The following CNTN4 variants were observed in gnomAD, a reference collection of about 807,000 sequenced individuals.
CNTN4 encodes contactin 4.
In CNTN4, 77 loss-of-function variants were observed where a neutral mutation model predicts 122.5. The ratio of observed to expected loss-of-function variants is 0.63; its 90% CI spans 0.52 to 0.76. The LOEUF (loss-of-function observed/expected upper bound fraction) is 0.76. CNTN4 is among the 30% of genes least tolerant of loss of function. The probability of loss-of-function intolerance (pLI) is 0.00; values close to 1 mark genes in which losing one functional copy is unlikely to be tolerated. For missense variants in CNTN4, 1,256 were observed against 1,259.1 expected, an observed-to-expected ratio of 1.00 and a Z score of 0.04; for synonymous variants, 512 against 447.0, an observed-to-expected ratio of 1.15 and a Z score of -1.83.
At chr3:2,410,394 TC>T (rs1438805505) in intron 3 of CNTN4, among the ~76,000 whole-genome samples, 1 of 152,142 alleles carries the variant, frequency 6.6e-6, no homozygotes, top group Non-Finnish European at 1.5e-5. Flanking sequence ...TCTCTTGAAA[TC>T]AATAATAAAG....
chr3:2,966,086 T>C (rs1692279648), intron 13 of CNTN4, among the ~76,000 whole-genome samples: 1 of 152,054 alleles, frequency 6.6e-6, no homozygotes, highest in South Asian at 2.1e-4. Flanking sequence ...GACACTACCA[T>C]AGGTAGTGAG....
intron 4 of CNTN4, among the ~76,000 whole-genome samples, chr3:2,685,074 A>G (rs1307597798): frequency 6.6e-6 from 1 of 152,182 alleles, no homozygotes; most frequent in East Asian, 1.9e-4. Context: ...ATGTGTATAC[A>G]TATACATTAA....
chr3:2,833,326 A>G (rs1213390897), intron 7 of CNTN4, among the ~76,000 whole-genome samples: 1 of 152,266 alleles, frequency 6.6e-6, no homozygotes, highest in East Asian at 1.9e-4. Context: ...TAAACATTGT[A>G]GCAAATTGAA....
intron 3 of CNTN4, among the ~76,000 whole-genome samples, chr3:2,489,655 C>A (rs1478609105): frequency 1.3e-5 from 2 of 152,198 alleles, no homozygotes; most frequent in African/African-American, 4.8e-5. Context: ...ATACCAGTAT[C>A]TGTCACTCAT....
intron 4 of CNTN4, among the ~76,000 whole-genome samples, chr3:2,687,877 C>G (rs2085518391): frequency 6.6e-6 from 1 of 152,022 alleles, no homozygotes; most frequent in South Asian, 2.1e-4. Context: ...TCAAAGAGGC[C>G]AGGGCAGTGA....
chr3:2,464,812 T>G (rs1341017978), intron 3 of CNTN4, among the ~76,000 whole-genome samples: 2 of 152,206 alleles, frequency 1.3e-5, no homozygotes, highest in African/African-American at 4.8e-5. Context: ...AGGCCAGGAC[T>G]GAGGTTATTT....
chr3:2,951,377 G>A lies in CNTN4; in HGVS notation c.1358+25598G>A, dbSNP rs112798080. Among the ~76,000 whole-genome samples, 378 of 152,242 alleles carry A rather than the reference G, an allele frequency of 2.5e-3. 3 individuals are homozygous for A. Among genetic ancestry groups the A allele is most frequent in the African/African-American group, 8.7e-3 (362 of 41,534 alleles). On this transcript the variant is annotated intron_variant, in intron 13 of 24. Transcript: ENST00000418658. The stretch of plus-strand genomic sequence containing the variant: ...ATGCACAGTTCACAATAGGGTTCAG[G>A]TCCTGTCCTGTGAGAATCTAATGCT...
chr3:2,819,700 C>G, intron 7 of CNTN4, 119 bp downstream of exon 7: 1 of 827,202 alleles, frequency 1.2e-6, no homozygotes, highest in Non-Finnish European at 2.0e-6. Context: ...CCCAAAGCCC[C>G]TCCATGTGGA....
intron 2 of CNTN4, among the ~76,000 whole-genome samples, chr3:2,241,555 T>C (rs902596834): frequency 2.0e-5 from 3 of 152,224 alleles, no homozygotes; most frequent in Non-Finnish European, 4.4e-5. Context: ...ATGTTTAGCT[T>C]AATGTCTGCA....
At chr3:2,668,044 C>G (rs2084275717) in intron 4 of CNTN4, among the ~76,000 whole-genome samples, 1 of 152,050 alleles carries the variant, frequency 6.6e-6, no homozygotes, top group Non-Finnish European at 1.5e-5. Context: ...CAGCTTTGTT[C>G]TTTTGACTCA....
chr3:2,372,142 C>A (rs1467040467), intron 3 of CNTN4, among the ~76,000 whole-genome samples: 2 of 152,156 alleles, frequency 1.3e-5, no homozygotes, highest in East Asian at 3.8e-4. Context: ...TCAAAATAAT[C>A]TTTTGTTACA....
At chr3:2,592,613 C>A (rs1388964610) in intron 4 of CNTN4, among the ~76,000 whole-genome samples, 1 of 152,168 alleles carries the variant, frequency 6.6e-6, no homozygotes, top group Non-Finnish European at 1.5e-5. Context: ...CTGCCAACAT[C>A]CATGTAAGAC....
chr3:2,933,703 C>T (rs1453494046), intron 13 of CNTN4, among the ~76,000 whole-genome samples: 1 of 152,154 alleles, frequency 6.6e-6, no homozygotes, highest in Non-Finnish European at 1.5e-5. Context: ...ATGTTTTATT[C>T]CGTTCTTTAA....
rs1215454614 is a variant in CNTN4 at position 2,855,001 on chromosome 3, T to A, written c.455-11751T>A. Among the ~76,000 whole-genome samples the A allele has an allele frequency of 3.9e-5, 6 of 152,356 alleles. No individual in the cohort carries two copies. The East Asian group carries it at 1.2e-3, about 29-fold the overall frequency. On this transcript the variant is annotated intron_variant, in intron 7 of 24. Transcript: ENST00000418658. ...ATGATTTGTCCAGTCAAAATTTTCC[T>A]ACGAAATATATTTAAGTGCTGATGG...
intron 4 of CNTN4, among the ~76,000 whole-genome samples, chr3:2,645,410 AGGTG>A (rs1020913913): frequency 6.6e-6 from 1 of 152,200 alleles, no homozygotes; most frequent in Admixed American, 6.5e-5. Context: ...GCTGGGCTAC[AGGTG>A]GTTATTTAAG....
intron 15 of CNTN4, 46 bp downstream of exon 15, chr3:3,026,323 C>A: frequency 6.8e-7 from 1 of 1,461,870 alleles, no homozygotes; most frequent in Non-Finnish European, 9.6e-7. Flanking sequence ...TTGTTTAGAC[C>A]AACTTAACAA....
chr3:3,021,438 G>A (rs1698279596), intron 14 of CNTN4, among the ~76,000 whole-genome samples: 1 of 152,114 alleles, frequency 6.6e-6, no homozygotes, highest in Non-Finnish European at 1.5e-5. Context: ...TCTGAGGTTT[G>A]CTTGCTGTCT....
intron 3 of CNTN4, among the ~76,000 whole-genome samples, chr3:2,368,305 T>G (rs983686077): frequency 6.6e-6 from 1 of 152,126 alleles, no homozygotes; most frequent in African/African-American, 2.4e-5. Flanking sequence ...GTGCTGGGAT[T>G]ACAGGCGTGA....
chr3:2,358,388 A>G, intron 3 of CNTN4, among the ~76,000 whole-genome samples: 1 of 152,018 alleles, frequency 6.6e-6, no homozygotes. Flanking sequence ...CACTCAGCAA[A>G]TATTCTTTTC....
Sources: allele counts gnomAD v4.1 joint callset (sites outside exome capture counted in the v4.1 genomes callset), GRCh38; gene constraint gnomAD v4.1.1; transcripts MANE v1.5; gene names NCBI Gene and HGNC (gene_info 2026-07-23, HGNC 2026-07-21).